RCAN2: variants seen among roughly 807,000 people sequenced by gnomAD.
RCAN2 encodes calcipressin-2.
In RCAN2, 9 loss-of-function variants were observed where a neutral mutation model predicts 23.6. The observed-to-expected ratio is 0.38, with a 90% CI of 0.23 to 0.67. The LOEUF is 0.67. RCAN2 is among the 30% of genes least tolerant of loss of function. The probability of loss-of-function intolerance (pLI) is 0.51; values close to 1 mark genes in which losing one functional copy is unlikely to be tolerated. For missense variants in RCAN2, 273 were observed against 302.3 expected (o/e 0.90, Z 0.72); for synonymous variants, 109 against 115.7 (o/e 0.94, Z 0.37).
At chr6:46,320,216 C>G (rs1285281174) in intron 2 of RCAN2, among the ~76,000 whole-genome samples, 4 of 152,192 alleles carry the variant, frequency 2.6e-5, no homozygotes, top group Admixed American at 2.6e-4. Flanking sequence ...TCGCAAAAAA[C>G]TTAAGAAATG....
chr6:46,421,147 A>G (rs1582188076), intron 2 of RCAN2, among the ~76,000 whole-genome samples: 2 of 152,320 alleles, frequency 1.3e-5, no homozygotes, highest in South Asian at 4.1e-4. Context: ...GTTTGCCATT[A>G]TTTCTAAATA....
At chr6:46,247,277 G>A (rs374241765) in intron 3 of RCAN2, among the ~76,000 whole-genome samples, 1 of 152,036 alleles carries the variant, frequency 6.6e-6, no homozygotes, top group East Asian at 1.9e-4. Flanking sequence ...GTCCCACCAC[G>A]CACCTGCCAA....
chr6:46,334,244 C>T (rs2150368727), intron 2 of RCAN2, among the ~76,000 whole-genome samples: 1 of 152,304 alleles, frequency 6.6e-6, no homozygotes, highest in Middle Eastern at 3.4e-3. Context: ...TATTTATCTG[C>T]ATAGTTGTTA....
At chr6:46,483,455 T>C (rs1480665509) in intron 1 of RCAN2, among the ~76,000 whole-genome samples, 1 of 152,148 alleles carries the variant, frequency 6.6e-6, no homozygotes, top group Non-Finnish European at 1.5e-5. Flanking sequence ...TCCCCACCCA[T>C]GATATCTCAG....
At chr6:46,288,137 G>A (rs2150343207) in intron 2 of RCAN2, among the ~76,000 whole-genome samples, 1 of 152,204 alleles carries the variant, frequency 6.6e-6, no homozygotes, top group Non-Finnish European at 1.5e-5. Context: ...CCCTCTTTTT[G>A]CTGTCAGAAG....
intron 2 of RCAN2, among the ~76,000 whole-genome samples, chr6:46,273,332 T>A (rs1472493437): frequency 6.6e-6 from 1 of 152,220 alleles, no homozygotes; most frequent in Non-Finnish European, 1.5e-5. Context: ...TGAAAACATG[T>A]TTTGTATACT....
intron 1 of RCAN2, among the ~76,000 whole-genome samples, chr6:46,481,365 GT>G (rs1231818481): frequency 6.6e-6 from 1 of 152,176 alleles, no homozygotes; most frequent in Non-Finnish European, 1.5e-5. Flanking sequence ...TCAACAAAGA[GT>G]GATAGCTCTT....
At chr6:46,224,534 T>G (rs1685670864) in intron 4 of RCAN2, among the ~76,000 whole-genome samples, 1 of 152,180 alleles carries the variant, frequency 6.6e-6, no homozygotes, top group South Asian at 2.1e-4. Context: ...AGCTACATTC[T>G]TAGGGCCACC....
chr6:46,321,623 G>T (rs1232661122), intron 2 of RCAN2, among the ~76,000 whole-genome samples: 1 of 152,224 alleles, frequency 6.6e-6, no homozygotes, highest in African/African-American at 2.4e-5. Flanking sequence ...CCTTTCTTCT[G>T]TGCAGGAAGC....
At chr6:46,465,009 A>G (rs985047871) in intron 1 of RCAN2, among the ~76,000 whole-genome samples, 1 of 152,170 alleles carries the variant, frequency 6.6e-6, no homozygotes, top group Admixed American at 6.6e-5. Flanking sequence ...CAAGATTTGC[A>G]GATCCTATAT....
At chr6:46,294,173 T>G (rs1464286638) in intron 2 of RCAN2, among the ~76,000 whole-genome samples, 1 of 152,050 alleles carries the variant, frequency 6.6e-6, no homozygotes, top group Non-Finnish European at 1.5e-5. Flanking sequence ...AACCGAAACC[T>G]TAACATAAAG....
intron 2 of RCAN2, among the ~76,000 whole-genome samples, chr6:46,303,597 TA>T (rs1446055230): frequency 6.6e-6 from 1 of 152,052 alleles, no homozygotes; most frequent in Admixed American, 6.6e-5. Context: ...GCTCCGGATT[TA>T]AAACGGTTCC....
intron 2 of RCAN2, among the ~76,000 whole-genome samples, chr6:46,401,514 T>A (rs1766247833): frequency 6.6e-6 from 1 of 152,130 alleles, no homozygotes; most frequent in Non-Finnish European, 1.5e-5. Context: ...CAGCAAAAGA[T>A]CCCTCATACC....
intron 2 of RCAN2, among the ~76,000 whole-genome samples, chr6:46,379,709 C>T (rs1447876620): frequency 1.3e-5 from 2 of 152,134 alleles, no homozygotes; most frequent in Non-Finnish European, 2.9e-5. Context: ...CCTCGTTACC[C>T]GACTCTGCAG....
intron 2 of RCAN2, among the ~76,000 whole-genome samples, chr6:46,393,252 T>A (rs763574304): frequency 2.6e-5 from 4 of 152,156 alleles, no homozygotes; most frequent in Non-Finnish European, 5.9e-5. Context: ...GGGGTTGGTG[T>A]CTATGCATTT....
intron 1 of RCAN2, among the ~76,000 whole-genome samples, chr6:46,457,662 CCACA>C (rs370713492): frequency 1.3e-5 from 2 of 151,880 alleles, no homozygotes; most frequent in Admixed American, 1.3e-4. Context: ...AGTAAACACA[CCACA>C]CACACACACC....
In RCAN2 at chr6:46,323,379, C is replaced by A. The variant is rs1763681254; in HGVS notation, c.226-74483G>T. On this transcript the variant is annotated intron_variant, in intron 2 of 4. Coordinates refer to ENST00000371374, the MANE Select transcript of RCAN2 (RefSeq NM_001251974.2). ...ACTAAGGCCCAGAAAGATTAGGTAACCTTTCTAAAAAAAAAAAAAAGAAAA... is the reference window on the plus strand; with the variant it reads ...ACTAAGGCCCAGAAAGATTAGGTAAACTTTCTAAAAAAAAAAAAAAGAAAA... Among the ~76,000 whole-genome samples, 4 of 146,238 alleles carry A rather than the reference C, an allele frequency of 2.7e-5. No homozygotes were observed. The South Asian group carries it at 8.4e-4, about 31-fold the overall frequency.
intron 2 of RCAN2, among the ~76,000 whole-genome samples, chr6:46,328,117 A>C (rs1264111442): frequency 6.6e-6 from 1 of 152,170 alleles, no homozygotes; most frequent in Non-Finnish European, 1.5e-5. Context: ...ACCAGAGGAC[A>C]TTATCCAGGA....
chr6:46,397,517 T>C (rs1766129114), intron 2 of RCAN2, among the ~76,000 whole-genome samples: 1 of 152,176 alleles, frequency 6.6e-6, no homozygotes, highest in Non-Finnish European at 1.5e-5. Context: ...CTAAGTAAGA[T>C]GCTACCTTTG....
Sources: gnomAD v4.1 joint callset for allele counts (sites outside exome capture counted in the v4.1 genomes callset) on GRCh38, gnomAD v4.1.1 for gene constraint, MANE v1.5 for transcripts, NCBI Gene and HGNC (gene_info 2026-07-23, HGNC 2026-07-21) for gene names.